The following TMCC1 variants were observed in gnomAD, a reference collection of about 807,000 sequenced individuals.
The protein encoded by TMCC1 is transmembrane and coiled-coil domain family 1, also known as transmembrane and coiled-coil domains protein 1.
TMCC1 carries 15 observed loss-of-function variants against 52.4 expected under a neutral mutation model. The ratio of observed to expected loss-of-function variants is 0.29; its 90% CI spans 0.19 to 0.44. The LOEUF (loss-of-function observed/expected upper bound fraction) is 0.44. Among genes scored for constraint, TMCC1 ranks in the 20% least tolerant of loss-of-function variants. The pLI is 1.00. For synonymous variants in TMCC1, 279 were observed against 301.9 expected (o/e 0.92, Z 0.79); for missense variants, 503 against 806.0 (o/e 0.62, Z 4.55).
chr3:129,683,130 C>T (rs1008989926), intron 4 of TMCC1, among the ~76,000 whole-genome samples: 16 of 152,316 alleles, frequency 1.1e-4, no homozygotes, highest in Middle Eastern at 6.8e-3. Context: ...CCACTACGCC[C>T]GGCCCTTGCC....
At chr3:129,860,623 G>A (rs141984088) in intron 2 of TMCC1, among the ~76,000 whole-genome samples, 5,131 of 147,586 alleles carry the variant, frequency 0.035, 137 homozygotes, top group Non-Finnish European at 0.053. Context: ...TTTTTGAGAT[G>A]GAGTCTCGCC....
intron 4 of TMCC1, among the ~76,000 whole-genome samples, chr3:129,695,625 T>C (rs756870283): frequency 6.6e-6 from 1 of 152,126 alleles, no homozygotes; most frequent in Non-Finnish European, 1.5e-5. Flanking sequence ...GAGAACAGCA[T>C]GAGGGTAACT....
intron 2 of TMCC1, among the ~76,000 whole-genome samples, chr3:129,849,775 T>A (rs1346055095): frequency 4.0e-5 from 6 of 150,104 alleles, no homozygotes; most frequent in African/African-American, 9.8e-5. Flanking sequence ...CAAAAAAAAA[T>A]AAAAAATAAA....
intron 1 of TMCC1, among the ~76,000 whole-genome samples, chr3:129,881,412 G>C (rs887565714): frequency 2.6e-5 from 4 of 152,126 alleles, no homozygotes; most frequent in Non-Finnish European, 5.9e-5. Flanking sequence ...CTGCCAAACA[G>C]AGCAACCATT....
intron 1 of TMCC1, chr3:129,893,291 G>C (rs1207977957): frequency 6.6e-6 from 1 of 152,444 alleles, no homozygotes; most frequent in Non-Finnish European, 1.5e-5. Context: ...GTGGGATGCT[G>C]GGGGTCGAGT....
intron 4 of TMCC1, among the ~76,000 whole-genome samples, chr3:129,784,269 G>T (rs1017161397): frequency 1.3e-5 from 2 of 152,042 alleles, no homozygotes; most frequent in African/African-American, 4.8e-5. Context: ...TTATATCGGG[G>T]TAAGTTACAG....
chr3:129,878,332 A>C (rs565033232), intron 2 of TMCC1, among the ~76,000 whole-genome samples: 7 of 152,294 alleles, frequency 4.6e-5, no homozygotes, highest in African/African-American at 1.7e-4. Context: ...CTTCTCCTGC[A>C]AACTTGTTTC....
At chr3:129,788,481 TAGAC>T (rs1452055918) in intron 4 of TMCC1, among the ~76,000 whole-genome samples, 3 of 152,118 alleles carry the variant, frequency 2.0e-5, no homozygotes, top group African/African-American at 7.2e-5. Flanking sequence ...TTTATTTTTT[TAGAC>T]AGAGTGTTGC....
chr3:129,651,887 G>T lies in TMCC1; in HGVS notation c.1648-92C>A. The T allele has an allele frequency of 7.6e-7, 1 of 1,316,938 alleles. No individual in the cohort carries two copies. Among genetic ancestry groups the T allele is most frequent in the Non-Finnish European group, 1.0e-6 (1 of 973,024 alleles). 81.6% of individuals were successfully genotyped at this position (1,316,938 alleles called of 1,614,324 possible). The stretch of plus-strand genomic sequence containing the variant: ...CCTGGGCAAGCCAGATGCATCTTGA[G>T]CAATGCCAATGATTTTATAAATATG... On this transcript the variant is annotated intron_variant, in intron 6 of 6. Coordinates refer to ENST00000393238, the MANE Select transcript of TMCC1 (RefSeq NM_001017395.5). This position sits in a 1 kb window ranked among gnomAD's most constrained non-coding sequence, Gnocchi z 5.1.
intron 4 of TMCC1, among the ~76,000 whole-genome samples, chr3:129,761,672 G>A (rs1576732817): frequency 6.6e-6 from 1 of 152,024 alleles, no homozygotes; most frequent in East Asian, 1.9e-4. Flanking sequence ...ATTAACAAGA[G>A]ACTCCAAGAA....
intron 4 of TMCC1, among the ~76,000 whole-genome samples, chr3:129,689,983 T>A (rs2089674221): frequency 6.6e-6 from 1 of 152,234 alleles, no homozygotes; most frequent in Non-Finnish European, 1.5e-5. Flanking sequence ...GTTTGCTTAA[T>A]TCTGTTTACT....
rs200322394 is a variant in TMCC1 at position 129,760,401 on chromosome 3, A to AGTGTGTGT, written c.576+67394_576+67401dup. Among the ~76,000 whole-genome samples, 256 of 137,960 alleles carry AGTGTGTGT rather than the reference A, an allele frequency of 1.9e-3. 2 individuals carry two copies. Among genetic ancestry groups the AGTGTGTGT allele is most frequent in the African/African-American group, 6.1e-3 (222 of 36,544 alleles). The allele number at this position is 137,960 out of a possible 152,430, so 90.5% of individuals were successfully genotyped here. On this transcript the variant is annotated intron_variant, in intron 4 of 6. Transcript: ENST00000393238. ...CAGCAGCGTGCTACCACGCCAGGCT[A>AGTGTGTGT]GTGTGTGTGTGTGTGTGTGTGTGTG... is the stretch of plus-strand genomic sequence containing the variant.
intron 4 of TMCC1, among the ~76,000 whole-genome samples, chr3:129,671,921 T>C (rs2087980068): frequency 6.6e-6 from 1 of 152,086 alleles, no homozygotes; most frequent in Non-Finnish European, 1.5e-5. Context: ...TGTTACCAAA[T>C]CAAAGGTGAT....
At chr3:129,884,138 C>A (rs909255164) in intron 1 of TMCC1, among the ~76,000 whole-genome samples, 1 of 152,084 alleles carries the variant, frequency 6.6e-6, no homozygotes, top group African/African-American at 2.4e-5. Context: ...ATGTGCACTA[C>A]AAGAAACATT....
At chr3:129,757,560 C>T (rs753149046) in intron 4 of TMCC1, among the ~76,000 whole-genome samples, 8 of 152,164 alleles carry the variant, frequency 5.3e-5, no homozygotes, top group Non-Finnish European at 1.0e-4. Context: ...GTTGCTCATG[C>T]CTGTAATCCC....
intron 5 of TMCC1, among the ~76,000 whole-genome samples, chr3:129,662,278 T>C (rs2087093855): frequency 6.6e-6 from 1 of 152,184 alleles, no homozygotes; most frequent in Non-Finnish European, 1.5e-5. Context: ...TACGTTATTT[T>C]ATCACTATGT....
Position 129,828,872 on chromosome 3 carries a change from G to A in TMCC1, c.-130-364C>T, listed in dbSNP as rs1191833769. Among the ~76,000 whole-genome samples, 1 of 152,170 alleles carries A rather than the reference G, an allele frequency of 6.6e-6. No homozygotes were observed. Among genetic ancestry groups the A allele is most frequent in the Non-Finnish European group, 1.5e-5 (1 of 68,014 alleles). On this transcript the variant is annotated intron_variant, in intron 3 of 6. Coordinates refer to ENST00000393238, the MANE Select transcript of TMCC1 (RefSeq NM_001017395.5). The surrounding 1 kb of genome is among the most constrained non-coding windows in gnomAD (Gnocchi z 4.1). ...CATTGCTTGGGAAATCAAGAGAAGA[G>A]ACCATCCAATAGGTTTACTCTAGCT...
chr3:129,756,031 G>A (rs1041500778), intron 4 of TMCC1, among the ~76,000 whole-genome samples: 19 of 150,798 alleles, frequency 1.3e-4, no homozygotes, highest in Admixed American at 3.3e-4. Flanking sequence ...ATGGGAGGCA[G>A]AGGTTGCAGT....
At chr3:129,863,177 A>T (rs1165406746) in intron 2 of TMCC1, among the ~76,000 whole-genome samples, 3 of 152,220 alleles carry the variant, frequency 2.0e-5, no homozygotes, top group Non-Finnish European at 4.4e-5. Context: ...GTACCCATAC[A>T]CTGTTGTATG....
Sources: allele counts gnomAD v4.1 joint callset (sites outside exome capture counted in the v4.1 genomes callset), GRCh38; gene constraint gnomAD v4.1.1; non-coding constraint Gnocchi (gnomAD v3.1); transcripts MANE v1.5; gene names NCBI Gene and HGNC (gene_info 2026-07-23, HGNC 2026-07-21).